TEAD3: variants seen among roughly 807,000 people sequenced by gnomAD.
TEAD3 encodes transcriptional enhancer factor TEF-5.
TEAD3 carries 15 observed loss-of-function variants against 55.6 expected under a neutral mutation model. The observed-to-expected ratio is 0.27, with a 90% confidence interval of 0.18 to 0.42. TEAD3 has a LOEUF of 0.42. Ranked by LOEUF, TEAD3 falls within the 10% of genes least tolerant of loss-of-function variation. TEAD3 has a pLI of 1.00. For missense variants in TEAD3, 407 were observed against 576.8 expected, an observed-to-expected ratio of 0.71 and a Z score of 3.01; for synonymous variants, 210 against 232.2, an observed-to-expected ratio of 0.90 and a Z score of 0.87.
At chr6:35,480,098 C>T in exon 4 of TEAD3, 1 of 1,540,870 alleles carries the variant, frequency 6.5e-7, no homozygotes, top group East Asian at 2.5e-5. Flanking sequence ...TTCCGCCTGG[C>T]TAGAACTTGC....
chr6:35,477,392 C>G lies in TEAD3; in HGVS notation c.531-20G>C. The G allele has an allele frequency of 6.3e-7, 1 of 1,596,970 alleles. No homozygotes were observed. The highest frequency in any genetic ancestry group is 8.5e-7 in the Non-Finnish European group (1 of 1,178,586). On this transcript the variant is annotated intron_variant, in intron 7 of 12. Coordinates refer to ENST00000639578, the Ensembl canonical transcript of TEAD3. Reference sequence around the variant, plus strand: ...TTGATGCTGCAGACAGGAGCACAGCCTGGTGAGAGGGTTCCCTCTTCCCTA... The same window carrying G: ...TTGATGCTGCAGACAGGAGCACAGCGTGGTGAGAGGGTTCCCTCTTCCCTA...
chr6:35,481,245 G>C (rs1239671789), intron 3 of TEAD3, among the ~76,000 whole-genome samples: 1 of 152,070 alleles, frequency 6.6e-6, no homozygotes, highest in Non-Finnish European at 1.5e-5. Flanking sequence ...GTGCCCAGCT[G>C]ACACCACAGA....
At chr6:35,482,060 C>T (rs542629607) in intron 3 of TEAD3, among the ~76,000 whole-genome samples, 1 of 152,314 alleles carries the variant, frequency 6.6e-6, no homozygotes, top group South Asian at 2.1e-4. Context: ...TCTCGGCTCA[C>T]TGCAACCTCT....
At chr6:35,479,177 CATT>C in intron 5 of TEAD3, 125 bp downstream of exon 5, 1 of 1,231,580 alleles carries the variant, frequency 8.1e-7, no homozygotes, top group Non-Finnish European at 1.2e-6. Flanking sequence ...CACGCCCAGC[CATT>C]TCGTTTTTTT....
intron 1 of TEAD3, among the ~76,000 whole-genome samples, chr6:35,493,448 C>T (rs1270805697): frequency 6.6e-6 from 1 of 152,122 alleles, no homozygotes; most frequent in Non-Finnish European, 1.5e-5. Flanking sequence ...ATAGTGACCA[C>T]CCACCCACAG....
intron 9 of TEAD3, 42 bp from the exon 10 acceptor site, chr6:35,476,134 T>C: frequency 6.5e-7 from 1 of 1,542,088 alleles, no homozygotes; most frequent in Middle Eastern, 1.7e-4. Flanking sequence ...GTACTCAGGC[T>C]TGCAGGCCCG....
intron 5 of TEAD3, among the ~76,000 whole-genome samples, chr6:35,478,867 CTCCTATTTTCT>C (rs1768208179): frequency 6.7e-6 from 1 of 148,270 alleles, no homozygotes; most frequent in Non-Finnish European, 1.5e-5. Context: ...GTCATGTACT[CTCCTATTTTCT>C]TTTTTTTTTT....
At chr6:35,495,813 C>T (rs1285655004) in intron 1 of TEAD3, among the ~76,000 whole-genome samples, 4 of 152,322 alleles carry the variant, frequency 2.6e-5, no homozygotes, top group African/African-American at 9.6e-5. Context: ...CCCCTCTGAG[C>T]TGTGTCCAGC....
Position 35,485,846 on chromosome 6 carries a change from C to T in TEAD3, c.202+615G>A, listed in dbSNP as rs1439595726. Among the ~76,000 whole-genome samples, 1 of 152,164 alleles carries T rather than the reference C, an allele frequency of 6.6e-6. No individual in the cohort carries two copies. Among genetic ancestry groups the T allele is most frequent in the Non-Finnish European group, 1.5e-5 (1 of 68,022 alleles). The stretch of plus-strand genomic sequence containing the variant: ...AGGAATAGGGGAGCTGGCCAGGAAC[C>T]AGGCCCAGAAGGGTCGAGTTATCCC... On this transcript the variant is annotated intron_variant, in intron 2 of 12. Transcript: ENST00000639578. The surrounding 1 kb of genome is among the most constrained non-coding windows in gnomAD (Gnocchi z 4.3).
At chr6:35,495,254 A>G (rs1581731967) in intron 1 of TEAD3, among the ~76,000 whole-genome samples, 1 of 152,216 alleles carries the variant, frequency 6.6e-6, no homozygotes, top group African/African-American at 2.4e-5. Flanking sequence ...CAGTTGGCAG[A>G]AAGTGCCAGG....
At chr6:35,495,315 T>C (rs1022237978) in intron 1 of TEAD3, among the ~76,000 whole-genome samples, 2 of 152,210 alleles carry the variant, frequency 1.3e-5, no homozygotes, top group African/African-American at 4.8e-5. Context: ...ACCCATGTGA[T>C]GCTTCTGTAC....
Position 35,478,235 on chromosome 6 carries a change from AGGAG to A in TEAD3, c.530+36_530+39del, listed in dbSNP as rs776200928. The A allele has an allele frequency of 5.6e-6, 9 of 1,611,360 alleles. No individual in the cohort carries two copies. The East Asian group carries it at 1.8e-4, about 32-fold the overall frequency. Reference sequence around the variant, plus strand: ...GGGAGGGAAGCCCTGTGCGGCTGCCAGGAGGAAGAGGGCGTGGGATGATGAGCCA... The same window carrying A: ...GGGAGGGAAGCCCTGTGCGGCTGCCAGAAGAGGGCGTGGGATGATGAGCCA... On this transcript the variant is annotated intron_variant, in intron 7 of 12. Transcript: ENST00000639578.
At chr6:35,476,130 A>C in intron 9 of TEAD3, 38 bp from the exon 10 acceptor site, 1 of 1,541,848 alleles carries the variant, frequency 6.5e-7, no homozygotes, top group South Asian at 1.3e-5. Flanking sequence ...GAGAGTACTC[A>C]GGCTTGCAGG....
Position 35,486,287 on chromosome 6 carries a change from G to A in TEAD3, c.202+174C>T, listed in dbSNP as rs372128918. Among the ~76,000 whole-genome samples the A allele has an allele frequency of 6.6e-6, 1 of 152,356 alleles. No individual in the cohort carries two copies. The highest frequency in any genetic ancestry group is 2.4e-5 in the African/African-American group (1 of 41,588). ...GTGGGCTGCGCCCTGGTTAGGGGGCGAGCCCGGCTTGTTTATGAGGAGGAG... is the reference window on the plus strand; with the variant it reads ...GTGGGCTGCGCCCTGGTTAGGGGGCAAGCCCGGCTTGTTTATGAGGAGGAG... On this transcript the variant is annotated intron_variant, in intron 2 of 12. Coordinates refer to ENST00000639578, the Ensembl canonical transcript of TEAD3. The surrounding 1 kb of genome is among the most constrained non-coding windows in gnomAD (Gnocchi z 7.3).
Position 35,475,461 on chromosome 6 carries a change from G to A in TEAD3, c.1069C>T (p.Arg357Cys), listed in dbSNP as rs935947869. 79 of 1,613,250 alleles carry A rather than the reference G, an allele frequency of 4.9e-5. No individual in the cohort carries two copies. The highest frequency in any genetic ancestry group is 5.8e-5 in the Non-Finnish European group (68 of 1,179,500). Residue 357 changes from arginine (R) to cysteine (C), a missense_variant, in exon 12 of 13, where the codon CGC (arginine) becomes TGC (cysteine). Physicochemically the swap from Arg to Cys is radical, Grantham distance 180. Coordinates refer to ENST00000639578, the Ensembl canonical transcript of TEAD3. This position sits in a 1 kb window ranked among gnomAD's most constrained non-coding sequence, Gnocchi z 5.4. Reference sequence around the variant, plus strand: ...GAGCGGTGGATACGGTACACAAAGCGCCCGTTCTCCAGCCTGGCATACTCA... The same window carrying A: ...GAGCGGTGGATACGGTACACAAAGCACCCGTTCTCCAGCCTGGCATACTCA...
intron 9 of TEAD3, 26 bp downstream of exon 9, chr6:35,476,276 C>T: frequency 6.2e-7 from 1 of 1,607,578 alleles, no homozygotes; most frequent in Non-Finnish European, 8.5e-7. Flanking sequence ...TGTGCAAAGC[C>T]TCACCCTCAC....
In TEAD3 at chr6:35,486,735, T is replaced by C; in HGVS notation, c.-49-24A>G. On this transcript the variant is annotated intron_variant, in intron 1 of 12. Coordinates refer to ENST00000639578, the Ensembl canonical transcript of TEAD3. This position sits in a 1 kb window ranked among gnomAD's most constrained non-coding sequence, Gnocchi z 7.3. ...GCCTGGGGGACAGACAGACAGGAACTGGGACCAGGGTCCTCCTCGACCACA... is the reference window on the plus strand; with the variant it reads ...GCCTGGGGGACAGACAGACAGGAACCGGGACCAGGGTCCTCCTCGACCACA... 6.5e-7 allele frequency: 1 copy of C among 1,527,404 alleles called. No individual in the cohort carries two copies. The allele number at this position is 1,527,404 out of a possible 1,614,324, so 94.6% of individuals were successfully genotyped here.
chr6:35,489,515 G>A (rs1159359119), intron 1 of TEAD3, among the ~76,000 whole-genome samples: 1 of 152,046 alleles, frequency 6.6e-6, no homozygotes, highest in Non-Finnish European at 1.5e-5. Flanking sequence ...GAAGACCCCC[G>A]CACTGCCGTA....
Position 35,484,629 on chromosome 6 carries a change from A to G in TEAD3, c.203-5T>C. ...GTGCAATCAACTCATTTCGGCCTAG[A>G]TTGGGGTGAGAGAGAAAATGAGGAG... On this transcript the variant is annotated splice_polypyrimidine_tract_variant and splice_region_variant and intron_variant, in intron 2 of 12. Coordinates refer to ENST00000639578, the Ensembl canonical transcript of TEAD3. The surrounding 1 kb of genome is among the most constrained non-coding windows in gnomAD (Gnocchi z 5.8). The G allele has an allele frequency of 6.3e-7, 1 of 1,592,168 alleles. No individual in the cohort carries two copies. Among genetic ancestry groups the G allele is most frequent in the Non-Finnish European group, 8.6e-7 (1 of 1,169,074 alleles).
Sources: gnomAD v4.1 joint callset for allele counts (sites outside exome capture counted in the v4.1 genomes callset) on GRCh38, gnomAD v4.1.1 for gene constraint, Gnocchi (gnomAD v3.1) non-coding constraint, MANE v1.5 for transcripts, NCBI Gene and HGNC (gene_info 2026-07-23, HGNC 2026-07-21) for gene names.